The following KCNJ10 variants were observed in gnomAD, a reference collection of about 807,000 sequenced individuals.
The protein encoded by KCNJ10 is ATP-sensitive inward rectifier potassium channel 10.
In KCNJ10, 9 loss-of-function variants were observed where a neutral mutation model predicts 22.2. The ratio of observed to expected loss-of-function variants is 0.40; its 90% CI spans 0.24 to 0.71. KCNJ10 has a LOEUF of 0.71. KCNJ10 is among the 30% of genes least tolerant of loss of function. The pLI, the probability that KCNJ10 is intolerant of heterozygous loss-of-function variation, is 0.35. For synonymous variants in KCNJ10, 184 were observed against 187.3 expected (o/e 0.98, Z 0.15); for missense variants, 337 against 482.7 (o/e 0.70, Z 2.83).
At chr1:160,044,999 T>A (rs952781608) in intron 1 of KCNJ10, among the ~76,000 whole-genome samples, 1 of 152,216 alleles carries the variant, frequency 6.6e-6, no homozygotes, top group Non-Finnish European at 1.5e-5. Flanking sequence ...GGCAACAGAA[T>A]GAGACCCTGT....
At chr1:160,044,217 C>T (rs1557968758) in intron 1 of KCNJ10, among the ~76,000 whole-genome samples, 3 of 152,224 alleles carry the variant, frequency 2.0e-5, no homozygotes, top group Admixed American at 6.5e-5. Context: ...TTGGAACTTC[C>T]GTTCATGCAA....
intron 1 of KCNJ10, 92 bp from the exon 2 acceptor site, chr1:160,042,624 T>C (rs1648639408): frequency 9.1e-7 from 1 of 1,097,168 alleles, no homozygotes; most frequent in Admixed American, 1.8e-5. Flanking sequence ...TTAACATTCA[T>C]TTGAATGTCG....
rs1557970407 is a variant in KCNJ10, at chr1:160,049,695, A to ATATATATATATT, written c.1-7164_1-7163insAATATATATATA. ...TTTATTTATATATATATATATATATATATATATATATATATATATATATAT... is the reference window on the plus strand; with the variant it reads ...TTTATTTATATATATATATATATATATATATATATATTTATATATATATATATATATATATAT... On this transcript the variant is annotated intron_variant, in intron 1 of 1. Transcript: ENST00000644903. 1.7e-4 allele frequency among the ~76,000 whole-genome samples: 20 copies of ATATATATATATT among 120,524 alleles called. 2 individuals are homozygous for ATATATATATATT. The South Asian group carries it at 2.1e-3, about 13-fold the overall frequency. The allele number at this position is 120,524 out of a possible 152,430, so 79.1% of individuals were successfully genotyped here. A position where few individuals can be genotyped will look rare whatever the true frequency, so the allele number is the denominator to read the frequency against.
At chr1:160,058,137 C>T (rs1649086525) in intron 1 of KCNJ10, among the ~76,000 whole-genome samples, 2 of 152,304 alleles carry the variant, frequency 1.3e-5, no homozygotes, top group Middle Eastern at 3.4e-3. Flanking sequence ...CTTTAAAGAG[C>T]CTGTAGGATT....
At chr1:160,052,271 C>A (rs1648922920) in intron 1 of KCNJ10, among the ~76,000 whole-genome samples, 1 of 152,158 alleles carries the variant, frequency 6.6e-6, no homozygotes, top group Non-Finnish European at 1.5e-5. Context: ...TCTTTCTGAA[C>A]CAATCACTGT....
chr1:160,053,191 C>G (rs1358479686), intron 1 of KCNJ10, among the ~76,000 whole-genome samples: 2 of 152,080 alleles, frequency 1.3e-5, no homozygotes, highest in East Asian at 3.9e-4. Flanking sequence ...GCAGTCTGGT[C>G]CCACTCCTCC....
intron 1 of KCNJ10, among the ~76,000 whole-genome samples, chr1:160,069,601 T>C (rs1485378572): frequency 2.7e-5 from 4 of 150,850 alleles, no homozygotes; most frequent in Non-Finnish European, 4.4e-5. Context: ...TATGTGATTG[T>C]CACTGTATGG....
intron 1 of KCNJ10, among the ~76,000 whole-genome samples, chr1:160,049,889 T>C (rs1051243540): frequency 2.6e-5 from 4 of 151,262 alleles, no homozygotes; most frequent in Non-Finnish European, 5.9e-5. Context: ...TTGTCCTAGG[T>C]AGAATGGATG....
intron 1 of KCNJ10, among the ~76,000 whole-genome samples, chr1:160,065,184 A>G (rs1189369972): frequency 1.3e-5 from 2 of 152,138 alleles, no homozygotes; most frequent in Non-Finnish European, 2.9e-5. Context: ...CGTTAGTAGG[A>G]GAGGGGTTTC....
intron 1 of KCNJ10, among the ~76,000 whole-genome samples, chr1:160,054,343 C>G (rs1648974656): frequency 6.6e-6 from 1 of 152,168 alleles, no homozygotes; most frequent in Non-Finnish European, 1.5e-5. Context: ...ACTGTCTCCT[C>G]AGCCCCAGCT....
chr1:160,043,770 A>T (rs549432424), intron 1 of KCNJ10, among the ~76,000 whole-genome samples: 83 of 152,376 alleles, frequency 5.4e-4, no homozygotes, highest in Admixed American at 6.5e-4. Context: ...GATAGCAGAA[A>T]GTGGGGCAAG....
intron 1 of KCNJ10, among the ~76,000 whole-genome samples, chr1:160,042,767 T>G (rs1648643050): frequency 6.6e-6 from 1 of 151,978 alleles, no homozygotes; most frequent in African/African-American, 2.4e-5. Context: ...CAAAACCCTG[T>G]CTCTACTAAA....
intron 1 of KCNJ10, 117 bp from the exon 2 acceptor site, chr1:160,042,649 T>C (rs570431596): frequency 1.2e-4 from 116 of 970,360 alleles, no homozygotes; most frequent in Non-Finnish European, 1.6e-4. Flanking sequence ...TGTGTTCTTG[T>C]CTTACCAAAT....
intron 1 of KCNJ10, among the ~76,000 whole-genome samples, chr1:160,068,610 CT>C (rs1649380303): frequency 6.6e-6 from 1 of 152,204 alleles, no homozygotes; most frequent in African/African-American, 2.4e-5. Context: ...CCCCTCCTCC[CT>C]CGTTTCTTCC....
intron 1 of KCNJ10, among the ~76,000 whole-genome samples, chr1:160,046,747 T>A (rs1366857387): frequency 1.3e-5 from 2 of 152,048 alleles, no homozygotes; most frequent in African/African-American, 4.8e-5. Flanking sequence ...TCAGCTACAC[T>A]CCACCCCAAA....
intron 1 of KCNJ10, among the ~76,000 whole-genome samples, chr1:160,067,544 C>T (rs566257040): frequency 3.3e-5 from 5 of 152,224 alleles, no homozygotes; most frequent in Admixed American, 1.3e-4. Flanking sequence ...TTCTCTGCCC[C>T]CTTCCAGGGC....
chr1:160,046,269 A>G (rs1648739332), intron 1 of KCNJ10, among the ~76,000 whole-genome samples: 3 of 152,198 alleles, frequency 2.0e-5, no homozygotes, highest in African/African-American at 7.2e-5. Context: ...AATTTATAAA[A>G]TATATAGTTT....
chr1:160,059,925 G>A (rs998013936), intron 1 of KCNJ10, among the ~76,000 whole-genome samples: 2 of 152,170 alleles, frequency 1.3e-5, no homozygotes, highest in African/African-American at 2.4e-5. Context: ...TGCTATCTGA[G>A]CAATTTCTTC....
At position 160,040,914 on chromosome 1, in the gene KCNJ10, A is replaced by C. The variant is rs1437560852; in HGVS notation, c.*479T>G. On this transcript the variant is annotated 3_prime_UTR_variant, in exon 2 of 2. Transcript: ENST00000644903. Reference sequence around the variant, plus strand: ...AGAAACCCTAGGATATGTTGATATCAGATTCCTGTATTTCTGAAAGCACAG... The same window carrying C: ...AGAAACCCTAGGATATGTTGATATCCGATTCCTGTATTTCTGAAAGCACAG... 2 of 311,682 alleles carry C rather than the reference A, an allele frequency of 6.4e-6. No individual in the cohort carries two copies. Among genetic ancestry groups the C allele is most frequent in the Admixed American group, 4.5e-5 (1 of 22,430 alleles). The allele number at this position is 311,682 out of a possible 1,614,324, so 19.3% of individuals were successfully genotyped here.
Sources: gnomAD v4.1 joint callset for allele counts (sites outside exome capture counted in the v4.1 genomes callset) on GRCh38, gnomAD v4.1.1 for gene constraint, MANE v1.5 for transcripts, NCBI Gene and HGNC (gene_info 2026-07-23, HGNC 2026-07-21) for gene names.